The following TIFAB variants were observed in gnomAD, a reference collection of about 807,000 sequenced individuals.
TIFAB encodes TRAF-interacting protein with FHA domain-containing protein B.
For synonymous variants in TIFAB, 116 were observed against 95.2 expected (o/e 1.22, Z -1.27); for missense variants, 222 against 203.6 (o/e 1.09, Z -0.55).
Position 135,449,224 on chromosome 5 carries a change from T to A in TIFAB, c.*230A>T. On this transcript the variant is annotated 3_prime_UTR_variant, in exon 2 of 2. Transcript: ENST00000537858. ...CGGTGTTTGCAGAATTGGTTCATTA[T>A]GAGCAAGGCAGCCAGTGGGTTTTGC... The A allele has an allele frequency of 1.5e-6, 1 of 649,044 alleles. No homozygotes were observed. 40.2% of individuals were successfully genotyped at this position (649,044 alleles called of 1,614,324 possible).
At chr5:135,451,555 C>T (rs769523933) in intron 1 of TIFAB, among the ~76,000 whole-genome samples, 1 of 151,172 alleles carries the variant, frequency 6.6e-6, no homozygotes, top group Non-Finnish European at 1.5e-5. Flanking sequence ...ATGATCTTGG[C>T]TCATGGTAGC....
At chr5:135,451,801 G>A (rs910480872) in intron 1 of TIFAB, among the ~76,000 whole-genome samples, 9 of 152,164 alleles carry the variant, frequency 5.9e-5, no homozygotes, top group African/African-American at 2.2e-4. Context: ...CTTTTCTCGA[G>A]GTATGCGTTA....
rs773210556 is a variant in TIFAB, at chr5:135,449,967, G to T, written c.-10-18C>A. The T allele has an allele frequency of 2.6e-6, 4 of 1,514,258 alleles. No individual in the cohort carries two copies. Among genetic ancestry groups the T allele is most frequent in the Non-Finnish European group, 3.5e-6 (4 of 1,131,504 alleles). 93.8% of individuals were successfully genotyped at this position (1,514,258 alleles called of 1,614,324 possible). A position where few individuals can be genotyped will look rare whatever the true frequency, so the allele number is the denominator to read the frequency against. On this transcript the variant is annotated intron_variant, in intron 1 of 1. Coordinates refer to ENST00000537858, the MANE Select transcript of TIFAB (RefSeq NM_001099221.2). ...AAGAAGTCCTGGGAAGTTGGAACAT[G>T]GACACACAGGCTCAGCTTCAGTCAG...
rs1320803611 is a variant in TIFAB, at chr5:135,446,292, T to TG, written c.*3161dup. 1 of 1,498,938 alleles carries TG rather than the reference T, an allele frequency of 6.7e-7. No homozygotes were observed. Among genetic ancestry groups the TG allele is most frequent in the African/African-American group, 1.4e-5 (1 of 71,496 alleles). The allele number at this position is 1,498,938 out of a possible 1,614,324, so 92.9% of individuals were successfully genotyped here. ...AGCAGTCTGACCAGAGGGCCCTAGC[T>TG]GGGAGCAGCGTTCATGTGCACTGTA... On this transcript the variant is annotated 3_prime_UTR_variant, in exon 2 of 2. Transcript: ENST00000537858.
Position 135,449,243 on chromosome 5 carries a change from G to T in TIFAB, c.*211C>A. On this transcript the variant is annotated 3_prime_UTR_variant, in exon 2 of 2. Transcript: ENST00000537858. ...TCATTATGAGCAAGGCAGCCAGTGGGTTTTGCTTGTCAACCTTGCATGATG... is the reference window on the plus strand; with the variant it reads ...TCATTATGAGCAAGGCAGCCAGTGGTTTTTGCTTGTCAACCTTGCATGATG... The T allele has an allele frequency of 1.4e-6, 1 of 740,224 alleles. No homozygotes were observed. Among genetic ancestry groups the T allele is most frequent in the Non-Finnish European group, 2.1e-6 (1 of 469,682 alleles). 45.9% of individuals were successfully genotyped at this position (740,224 alleles called of 1,614,324 possible). A position where few individuals can be genotyped will look rare whatever the true frequency, so the allele number is the denominator to read the frequency against.
At position 135,445,886 on chromosome 5, in the gene TIFAB, G is replaced by A. The variant is rs972872355; in HGVS notation, c.*3568C>T. The A allele has an allele frequency of 6.5e-6, 1 of 153,242 alleles. No homozygotes were observed. Among genetic ancestry groups the A allele is most frequent in the African/African-American group, 2.4e-5 (1 of 41,476 alleles). The allele number at this position is 153,242 out of a possible 1,614,324, so 9.5% of individuals were successfully genotyped here. A position where few individuals can be genotyped will look rare whatever the true frequency, so the allele number is the denominator to read the frequency against. ...CTTGGAAAAGCAGAGGAATGCGAGG[G>A]TTAAAATACCTTAAAGGGCAAGGAG... is the stretch of plus-strand genomic sequence containing the variant. On this transcript the variant is annotated 3_prime_UTR_variant, in exon 2 of 2. Coordinates refer to ENST00000537858, the MANE Select transcript of TIFAB (RefSeq NM_001099221.2).
At chr5:135,450,233 G>A (rs1412076153) in intron 1 of TIFAB, among the ~76,000 whole-genome samples, 1 of 152,246 alleles carries the variant, frequency 6.6e-6, no homozygotes, top group East Asian at 1.9e-4. Context: ...ATGCTGGCTT[G>A]CAGGGTGGGG....
rs779879834 is a variant in TIFAB at position 135,446,161 on chromosome 5, T to G, written c.*3293A>C. 10 of 573,906 alleles carry G rather than the reference T, an allele frequency of 1.7e-5. No individual in the cohort carries two copies. Among genetic ancestry groups the G allele is most frequent in the Non-Finnish European group, 2.6e-5 (9 of 339,888 alleles). The allele number at this position is 573,906 out of a possible 1,614,324, so 35.6% of individuals were successfully genotyped here. On this transcript the variant is annotated 3_prime_UTR_variant, in exon 2 of 2. Coordinates refer to ENST00000537858, the MANE Select transcript of TIFAB (RefSeq NM_001099221.2). ...CTAAGGAGGTAAGTACTGTGAACTT[T>G]CCCGTTTTCTACAAGAAGAAACTGT...
Position 135,446,260 on chromosome 5 carries a change from C to T in TIFAB, c.*3194G>A. ...GTGGGGGTGGGGACAAGAATTCTAA[C>T]CCAGGCAGCAGTCTGACCAGAGGGC... is the stretch of plus-strand genomic sequence containing the variant. On this transcript the variant is annotated 3_prime_UTR_variant, in exon 2 of 2. Transcript: ENST00000537858. The T allele has an allele frequency of 7.5e-7, 1 of 1,335,452 alleles. No homozygotes were observed. The highest frequency in any genetic ancestry group is 1.0e-6 in the Non-Finnish European group (1 of 976,094). The allele number at this position is 1,335,452 out of a possible 1,614,324, so 82.7% of individuals were successfully genotyped here.
rs369398349 is a variant in TIFAB, at chr5:135,449,609, G to A, written c.331C>T (p.Gln111Ter). 1 of 1,614,078 alleles carries A rather than the reference G, an allele frequency of 6.2e-7. No homozygotes were observed. Among genetic ancestry groups the A allele is most frequent in the Non-Finnish European group, 8.5e-7 (1 of 1,180,048 alleles). The change falls in exon 2 of 2, where the codon CAG becomes TAG. Residue 111 changes from glutamine (Q) to a stop codon, truncating the protein, a stop_gained. Coordinates refer to ENST00000537858, the MANE Select transcript of TIFAB (RefSeq NM_001099221.2). LOFTEE classifies it low-confidence loss of function (END_TRUNC). ...CCTTCTTCTACGCGAACCAGCATCTGGATGCCTGAGAAGGAGACCCTGTTG... is the reference window on the plus strand; with the variant it reads ...CCTTCTTCTACGCGAACCAGCATCTAGATGCCTGAGAAGGAGACCCTGTTG... ...TVNRVSFSGI[Q>*]MLVRVEEGTS...
Position 135,447,003 on chromosome 5 carries a change from C to T in TIFAB, c.*2451G>A, listed in dbSNP as rs1393214160. On this transcript the variant is annotated 3_prime_UTR_variant, in exon 2 of 2. Transcript: ENST00000537858. ...GCTGGGGAGTGGCACCCTGGGAACT[C>T]TGGGGTTTCCCCACCAGCTCCTCTC... 2.5e-6 allele frequency: 4 copies of T among 1,613,470 alleles called. No individual in the cohort carries two copies. The African/African-American group carries it at 5.3e-5, about 22-fold the overall frequency.
Position 135,445,007 on chromosome 5 carries a change from CA to C in TIFAB, c.*4446del. On this transcript the variant is annotated 3_prime_UTR_variant, in exon 2 of 2. Transcript: ENST00000537858. Reference sequence around the variant, plus strand: ...TCTGCACGGGCTGGCCTGCATAGCCCAGGGGTGGAGAGAGGGGTCAGACTAG... The same window carrying C: ...TCTGCACGGGCTGGCCTGCATAGCCCGGGGTGGAGAGAGGGGTCAGACTAG... 6.6e-6 allele frequency: 1 copy of C among 152,362 alleles called. No homozygotes were observed. The highest frequency in any genetic ancestry group is 2.4e-5 in the African/African-American group (1 of 41,536). The allele number at this position is 152,362 out of a possible 1,614,324, so 9.4% of individuals were successfully genotyped here.
intron 1 of TIFAB, chr5:135,450,477 C>G (rs1451328623): frequency 2.0e-5 from 3 of 152,826 alleles, no homozygotes; most frequent in African/African-American, 7.2e-5. Context: ...TTTCTAGCAT[C>G]AGGATGTGTG....
At chr5:135,451,333 G>C (rs1206359499) in intron 1 of TIFAB, among the ~76,000 whole-genome samples, 1 of 152,132 alleles carries the variant, frequency 6.6e-6, no homozygotes, top group African/African-American at 2.4e-5. Context: ...GATGCAGTAG[G>C]TTAATGGCTG....
At position 135,445,314 on chromosome 5, in the gene TIFAB, C is replaced by T. The variant is rs1403327957; in HGVS notation, c.*4140G>A. On this transcript the variant is annotated 3_prime_UTR_variant, in exon 2 of 2. Coordinates refer to ENST00000537858, the MANE Select transcript of TIFAB (RefSeq NM_001099221.2). ...TCAAGGACTAGAAGGAAGCACCAGC[C>T]TTGTTCTGCCCCAGCTAGAGGGTCT... is the stretch of plus-strand genomic sequence containing the variant. 1 of 152,354 alleles carries T rather than the reference C, an allele frequency of 6.6e-6. No homozygotes were observed. Among genetic ancestry groups the T allele is most frequent in the East Asian group, 1.9e-4 (1 of 5,186 alleles). The allele number at this position is 152,354 out of a possible 1,614,324, so 9.4% of individuals were successfully genotyped here. A position where few individuals can be genotyped will look rare whatever the true frequency, so the allele number is the denominator to read the frequency against.
chr5:135,447,114 G>C lies in TIFAB; in HGVS notation c.*2340C>G. 1 of 1,613,974 alleles carries C rather than the reference G, an allele frequency of 6.2e-7. No individual in the cohort carries two copies. Among genetic ancestry groups the C allele is most frequent in the Non-Finnish European group, 8.5e-7 (1 of 1,179,884 alleles). ...GTTGCTGCTCCGTAATGCATAGTTG[G>C]GGGACCATTTTGGTCAGTGACAGAT... On this transcript the variant is annotated 3_prime_UTR_variant, in exon 2 of 2. Coordinates refer to ENST00000537858, the MANE Select transcript of TIFAB (RefSeq NM_001099221.2).
In TIFAB at chr5:135,446,443, C is replaced by T. The variant is rs1462428368; in HGVS notation, c.*3011G>A. On this transcript the variant is annotated 3_prime_UTR_variant, in exon 2 of 2. Coordinates refer to ENST00000537858, the MANE Select transcript of TIFAB (RefSeq NM_001099221.2). Reference sequence around the variant, plus strand: ...GCAGTGGAGGTTGTTGGGAGGAACTCACCCGCCTGCTCTGGCTGTCTGAGC... The same window carrying T: ...GCAGTGGAGGTTGTTGGGAGGAACTTACCCGCCTGCTCTGGCTGTCTGAGC... 2 of 1,613,484 alleles carry T rather than the reference C, an allele frequency of 1.2e-6. No individual in the cohort carries two copies. Among genetic ancestry groups the T allele is most frequent in the South Asian group, 1.1e-5 (1 of 91,074 alleles).
chr5:135,450,038 G>A (rs1276278249), intron 1 of TIFAB, 89 bp from the exon 2 acceptor site: 2 of 1,484,178 alleles, frequency 1.3e-6, no homozygotes, highest in African/African-American at 1.4e-5. Context: ...CCCACCTCAG[G>A]GGCCCTGTGC....
At position 135,446,667 on chromosome 5, in the gene TIFAB, G is replaced by A; in HGVS notation, c.*2787C>T. On this transcript the variant is annotated 3_prime_UTR_variant, in exon 2 of 2. Transcript: ENST00000537858. ...TACAGGGCAAGGTGTGAGTTTCCCGGTGAGACTGTGTGAACTGTGAACGGG... is the reference window on the plus strand; with the variant it reads ...TACAGGGCAAGGTGTGAGTTTCCCGATGAGACTGTGTGAACTGTGAACGGG... The A allele has an allele frequency of 6.2e-7, 1 of 1,613,982 alleles. No individual in the cohort carries two copies. Among genetic ancestry groups the A allele is most frequent in the Non-Finnish European group, 8.5e-7 (1 of 1,179,856 alleles).
Sources: gnomAD v4.1 joint callset for allele counts (sites outside exome capture counted in the v4.1 genomes callset) on GRCh38, gnomAD v4.1.1 for gene constraint, MANE v1.5 for transcripts, NCBI Gene and HGNC (gene_info 2026-07-23, HGNC 2026-07-21) for gene names.